TXNDC9: variants seen among roughly 807,000 people sequenced by gnomAD.
The protein encoded by TXNDC9 is thioredoxin domain containing 9, also known as thioredoxin domain-containing protein 9.
Under a neutral mutation model 23.0 loss-of-function variants are expected in TXNDC9, and 7 were observed. That is an observed-to-expected ratio of 0.30 (90% CI 0.17 to 0.57). The LOEUF (loss-of-function observed/expected upper bound fraction) is 0.57. Among genes scored for constraint, TXNDC9 ranks in the 20% least tolerant of loss-of-function variants. The probability of loss-of-function intolerance (pLI) is 0.90; values close to 1 mark genes in which losing one functional copy is unlikely to be tolerated. For missense variants in TXNDC9, 198 were observed against 252.6 expected, an observed-to-expected ratio of 0.78 and a Z score of 1.47; for synonymous variants, 72 against 90.6, an observed-to-expected ratio of 0.79 and a Z score of 1.17.
the TXNDC9 span, among the ~76,000 whole-genome samples, chr2:99,310,088 T>C: frequency 1.3e-5 from 2 of 152,216 alleles, no homozygotes; most frequent in Non-Finnish European, 2.9e-5. Context: ...ATAAAATATT[T>C]GTGAAAGATC....
downstream of TXNDC9, among the ~76,000 whole-genome samples, chr2:99,315,514 C>A (rs1222666719): frequency 6.6e-6 from 1 of 152,108 alleles, no homozygotes; most frequent in Non-Finnish European, 1.5e-5. Context: ...GTATCAATTG[C>A]AGCAAGTGTT....
At chr2:99,315,358 C>A (rs1202100008), downstream of TXNDC9, among the ~76,000 whole-genome samples, 4 of 152,130 alleles carry the variant, frequency 2.6e-5, no homozygotes, top group Admixed American at 6.6e-5. Context: ...AGCCACCGCG[C>A]CCGGCCCCTT....
At chr2:99,316,804 T>C (rs1393920294), downstream of TXNDC9, among the ~76,000 whole-genome samples, 1 of 152,194 alleles carries the variant, frequency 6.6e-6, no homozygotes, top group African/African-American at 2.4e-5. Context: ...TCGCCCAGGC[T>C]GGAGTGCAGT....
At chr2:99,321,826 T>A (rs1454152794) in intron 4 of TXNDC9, 129 bp downstream of exon 4, 19 of 1,071,112 alleles carry the variant, frequency 1.8e-5, no homozygotes, top group Non-Finnish European at 2.3e-5. Context: ...GCTTTTCCTT[T>A]GAGAAACTTT....
In TXNDC9 at chr2:99,322,760, TTTTA is replaced by T. The variant is rs2105320542; in HGVS notation, c.309-555_309-552del. 2.2e-6 allele frequency: 3 copies of T among 1,345,692 alleles called. No individual in the cohort carries two copies. In the South Asian group the frequency reaches 5.9e-5, roughly 27 times the overall value. The allele number at this position is 1,345,692 out of a possible 1,614,324, so 83.4% of individuals were successfully genotyped here. ...AATTAAAAAATACCAGTAGTAACTTTTTTATTTTTTATTTTTTTGGAGGTGGCGT... is the reference window on the plus strand; with the variant it reads ...AATTAAAAAATACCAGTAGTAACTTTTTTTTTATTTTTTTGGAGGTGGCGT... On this transcript the variant is annotated intron_variant, in intron 3 of 4. Transcript: ENST00000264255.
chr2:99,326,871 A>C (rs2094213701), intron 3 of TXNDC9, among the ~76,000 whole-genome samples: 2 of 152,224 alleles, frequency 1.3e-5, no homozygotes, highest in Admixed American at 1.3e-4. Context: ...TCATGGCTAC[A>C]TCACAATACT....
In TXNDC9 at chr2:99,319,660, ATTT is replaced by A; in HGVS notation, c.*19_*21del. On this transcript the variant is annotated 3_prime_UTR_variant, in exon 5 of 5. Transcript: ENST00000264255. ...AATCTGAAGCAGAAAAAAAAAGACA[ATTT>A]ACAAAGAATTATTGAGCTCTAATCA... 1 of 1,521,416 alleles carries A rather than the reference ATTT, an allele frequency of 6.6e-7. No individual in the cohort carries two copies. 94.2% of individuals were successfully genotyped at this position (1,521,416 alleles called of 1,614,324 possible).
chr2:99,333,215 C>G lies in TXNDC9; in HGVS notation c.-5G>C, dbSNP rs2094230166. 3 of 1,613,288 alleles carry G rather than the reference C, an allele frequency of 1.9e-6. No homozygotes were observed. Among genetic ancestry groups the G allele is most frequent in the Non-Finnish European group, 2.5e-6 (3 of 1,179,630 alleles). ...AACAGATGCATCAGCTTCCATTCTT[C>G]CAAATGGTACAGAGTTCAGCCTGGG... On this transcript the variant is annotated 5_prime_UTR_variant, in exon 2 of 5. Coordinates refer to ENST00000264255, the MANE Select transcript of TXNDC9 (RefSeq NM_005783.4).
At chr2:99,315,265 C>T (rs1053727338), downstream of TXNDC9, among the ~76,000 whole-genome samples, 2 of 151,868 alleles carry the variant, frequency 1.3e-5, no homozygotes, top group African/African-American at 4.8e-5. Context: ...CGGGGTTTCA[C>T]CGTGTTAGCC....
chr2:99,336,192 G>A (rs1471961339), intron 1 of TXNDC9, 47 bp downstream of exon 1: 37 of 984,116 alleles, frequency 3.8e-5, no homozygotes, highest in Non-Finnish European at 4.5e-5. Flanking sequence ...ATGTTCACCA[G>A]CACCCGGACG....
At chr2:99,330,586 G>A (rs2094222428) in intron 2 of TXNDC9, among the ~76,000 whole-genome samples, 1 of 152,124 alleles carries the variant, frequency 6.6e-6, no homozygotes, top group African/African-American at 2.4e-5. Context: ...GCTGTCAGTG[G>A]CTGTCACCCA....
Position 99,333,128 on chromosome 2 carries a change from T to C in TXNDC9, c.83A>G (p.His28Arg). Residue 28 changes from histidine to arginine, a missense_variant, in exon 2 of 5, where the codon CAT becomes CGT. Physicochemically the swap from His to Arg is conservative, Grantham distance 29. Coordinates refer to ENST00000264255, the MANE Select transcript of TXNDC9 (RefSeq NM_005783.4). The stretch of plus-strand genomic sequence containing the variant: ...CAGTTTTTGAATTTCAGAATCCAAA[T>C]GTTCTTCCACCAGTTTGGTAGTCTG... ...LLQTTKLVEE[H>R]LDSEIQKLDQ... 1 of 1,614,122 alleles carries C rather than the reference T, an allele frequency of 6.2e-7. No individual in the cohort carries two copies. Among genetic ancestry groups the C allele is most frequent in the Non-Finnish European group, 8.5e-7 (1 of 1,180,006 alleles).
Position 99,327,566 on chromosome 2 carries a change from C to T in TXNDC9, c.277G>A (p.Val93Ile). ...GTGGAGTCTCTGTAGAAATGGCAAA[C>T]CACATTTTCACTCTCCTTGACTTCT... Reference protein sequence around the residue: ...FQEVKESENVVCHFYRDSTFR... With the variant: ...FQEVKESENVICHFYRDSTFR... The change falls in exon 3 of 5, where the codon GTT (valine) becomes ATT (isoleucine). Residue 93 changes from valine (V) to isoleucine (I), a missense_variant. Transcript: ENST00000264255. 1 of 1,613,364 alleles carries T rather than the reference C, an allele frequency of 6.2e-7. No homozygotes were observed. The highest frequency in any genetic ancestry group is 8.5e-7 in the Non-Finnish European group (1 of 1,179,674).
chr2:99,327,434 T>C, intron 3 of TXNDC9, 101 bp downstream of exon 3: 1 of 853,314 alleles, frequency 1.2e-6, no homozygotes, highest in Non-Finnish European at 1.9e-6. Flanking sequence ...TAGGAAGTTT[T>C]TTCTTTTAGT....
downstream of TXNDC9, among the ~76,000 whole-genome samples, chr2:99,317,833 T>G (rs1430541571): frequency 6.6e-6 from 1 of 152,074 alleles, no homozygotes; most frequent in African/African-American, 2.4e-5. Flanking sequence ...TTAATCCAGT[T>G]AAATTCAGGC....
chr2:99,334,940 T>G (rs2094235172), intron 1 of TXNDC9, among the ~76,000 whole-genome samples: 2 of 152,328 alleles, frequency 1.3e-5, no homozygotes, highest in South Asian at 4.1e-4. Flanking sequence ...GGCTACGATC[T>G]CCTGACCTCG....
chr2:99,333,338 G>A, intron 1 of TXNDC9, 96 bp from the exon 2 acceptor site: 1 of 957,404 alleles, frequency 1.0e-6, no homozygotes, highest in Non-Finnish European at 1.5e-6. Context: ...TGTATAATGT[G>A]TACTCTATGG....
intron 2 of TXNDC9, among the ~76,000 whole-genome samples, chr2:99,328,835 A>G (rs1421288789): frequency 1.3e-5 from 2 of 151,822 alleles, no homozygotes; most frequent in African/African-American, 4.8e-5. Context: ...AAAAAATACA[A>G]GAAATTACCT....
chr2:99,319,767 T>C lies in TXNDC9; in HGVS notation c.596A>G (p.Gln199Arg), dbSNP rs1175670809. 8.7e-6 allele frequency: 14 copies of C among 1,601,896 alleles called. No individual in the cohort carries two copies. Among genetic ancestry groups the C allele is most frequent in the Non-Finnish European group, 1.2e-5 (14 of 1,176,854 alleles). Residue 199 changes from glutamine (Q) to arginine (R), a missense_variant, in exon 5 of 5, where the codon CAA becomes CGA. Gln to Arg is a conservative substitution (Grantham distance 43, BLOSUM62 1). Coordinates refer to ENST00000264255, the MANE Select transcript of TXNDC9 (RefSeq NM_005783.4). The part of the protein sequence containing the change: ...GNLMEPPFQN[Q>R]KKFGTNFTKL... ...TGTGAAGTTTGTTCCAAATTTCTTTTGGTTCTGAAATGGTGGCTCCATTAA... is the reference window on the plus strand; with the variant it reads ...TGTGAAGTTTGTTCCAAATTTCTTTCGGTTCTGAAATGGTGGCTCCATTAA...
Sources: gnomAD v4.1 joint callset for allele counts (sites outside exome capture counted in the v4.1 genomes callset) on GRCh38, gnomAD v4.1.1 for gene constraint, MANE v1.5 for transcripts, NCBI Gene and HGNC (gene_info 2026-07-23, HGNC 2026-07-21) for gene names.